NTAQ1: variants seen among roughly 807,000 people sequenced by gnomAD.
NTAQ1 encodes N-terminal glutamine amidase 1, also known as protein N-terminal glutamine amidohydrolase.
In NTAQ1, 21 loss-of-function variants were observed where a neutral mutation model predicts 28.2. That is an observed-to-expected ratio of 0.74 (90% CI 0.53 to 1.07). The LOEUF (loss-of-function observed/expected upper bound fraction) is 1.07, where lower values mean the gene tolerates loss of function less well. NTAQ1 is among the 50% of genes least tolerant of loss of function. The pLI is 0.00. For missense variants in NTAQ1, 264 were observed against 256.6 expected, an observed-to-expected ratio of 1.03 and a Z score of -0.20; for synonymous variants, 105 against 90.0, an observed-to-expected ratio of 1.17 and a Z score of -0.94.
rs560067976 is a variant in NTAQ1 at position 123,432,254 on chromosome 8, A to G, written c.234+2221A>G. ...GATAATTCTAATGTGTAGCCAGACTACATATTGCCAAAGTCCCTTCCCATG... is the reference window on the plus strand; with the variant it reads ...GATAATTCTAATGTGTAGCCAGACTGCATATTGCCAAAGTCCCTTCCCATG... On this transcript the variant is annotated intron_variant, in intron 3 of 5. Coordinates refer to ENST00000287387, the MANE Select transcript of NTAQ1 (RefSeq NM_018024.3). Among the ~76,000 whole-genome samples the G allele has an allele frequency of 2.6e-5, 4 of 152,334 alleles. No homozygotes were observed. In the South Asian group the frequency reaches 8.3e-4, roughly 32 times the overall value.
chr8:123,438,253 A>T (rs562278843), intron 5 of NTAQ1: 2 of 696,058 alleles, frequency 2.9e-6, no homozygotes, highest in African/African-American at 1.7e-5. Flanking sequence ...GTAATTCACA[A>T]CATTCCCACT....
intron 5 of NTAQ1, chr8:123,438,281 C>G: frequency 1.5e-6 from 1 of 678,514 alleles, no homozygotes; most frequent in Non-Finnish European, 2.7e-6. Flanking sequence ...GAGATCATCC[C>G]AACACCTGGA....
chr8:123,421,720 G>C (rs1813706043), intron 1 of NTAQ1, among the ~76,000 whole-genome samples: 1 of 144,110 alleles, frequency 6.9e-6, no homozygotes, highest in East Asian at 2.1e-4. Flanking sequence ...ACGGAGTCTT[G>C]CTCTGTTGCT....
At chr8:123,450,915 A>G (rs569136471), downstream of NTAQ1, among the ~76,000 whole-genome samples, 6 of 152,350 alleles carry the variant, frequency 3.9e-5, no homozygotes, top group African/African-American at 1.2e-4. Context: ...TTTTCAAACA[A>G]CAACAAACCA....
In NTAQ1 at chr8:123,428,019, A is replaced by T; in HGVS notation, c.179A>T (p.Lys60Met). The change falls in exon 2 of 6, where the codon AAG (lysine) becomes ATG (methionine). Residue 60 changes from lysine to methionine, a missense_variant. Transcript: ENST00000287387. Reference protein sequence around the residue: ...CYAVFISNERKMIPIWKQQAR... With the variant: ...CYAVFISNERMMIPIWKQQAR... ...GCTGTCTTCATATCTAATGAGAGGAAGATGGTAAGTTGGTGAGTGATTGCA... is the reference window on the plus strand; with the variant it reads ...GCTGTCTTCATATCTAATGAGAGGATGATGGTAAGTTGGTGAGTGATTGCA... The T allele has an allele frequency of 6.2e-7, 1 of 1,601,324 alleles. No homozygotes were observed. The highest frequency in any genetic ancestry group is 8.5e-7 in the Non-Finnish European group (1 of 1,175,278).
At chr8:123,450,633 C>T (rs76365665), downstream of NTAQ1, among the ~76,000 whole-genome samples, 3 of 152,188 alleles carry the variant, frequency 2.0e-5, no homozygotes, top group East Asian at 5.8e-4. Context: ...GTAGGACGCT[C>T]CCTTTGACTC....
downstream of NTAQ1, among the ~76,000 whole-genome samples, chr8:123,446,536 T>TGTGTTTGTACA (rs59187173): frequency 6.6e-6 from 1 of 151,900 alleles, no homozygotes; most frequent in East Asian, 1.9e-4. Context: ...CTCCTCCCTC[T>TGTGTTTGTACA]GGAGAGCTTT....
chr8:123,456,597 G>A (rs1815656557), intron 6 of NTAQ1, among the ~76,000 whole-genome samples: 1 of 152,182 alleles, frequency 6.6e-6, no homozygotes, highest in Admixed American at 6.5e-5. Flanking sequence ...AGTATCGAAG[G>A]CACCGTCAGG....
downstream of NTAQ1, among the ~76,000 whole-genome samples, chr8:123,474,248 A>G (rs1452502128): frequency 2.6e-5 from 4 of 152,180 alleles, no homozygotes; most frequent in African/African-American, 7.2e-5. Context: ...TTGATCTCCA[A>G]TTGAACTTAG....
At chr8:123,463,993 G>T (rs981269484) in intron 6 of NTAQ1, among the ~76,000 whole-genome samples, 1 of 152,108 alleles carries the variant, frequency 6.6e-6, no homozygotes, top group Non-Finnish European at 1.5e-5. Context: ...TTATAAAGGG[G>T]ACTCCCCCGC....
At chr8:123,455,387 G>T (rs1236405557) in intron 6 of NTAQ1, among the ~76,000 whole-genome samples, 1 of 149,194 alleles carries the variant, frequency 6.7e-6, no homozygotes, top group Non-Finnish European at 1.5e-5. Context: ...GCAACCACTT[G>T]TGTTACCAAT....
chr8:123,469,888 T>A (rs554907921), exon 7 of NTAQ1, among the ~76,000 whole-genome samples: 7 of 152,358 alleles, frequency 4.6e-5, no homozygotes, highest in Non-Finnish European at 8.8e-5. Flanking sequence ...CTGCCCTCCC[T>A]CTGCTAGAAG....
At chr8:123,451,190 A>T (rs940594438), downstream of NTAQ1, among the ~76,000 whole-genome samples, 1 of 152,088 alleles carries the variant, frequency 6.6e-6, no homozygotes, top group African/African-American at 2.4e-5. Flanking sequence ...ACTGCCTGAC[A>T]TTGAGGTCTG....
At chr8:123,421,861 TG>T (rs1813715494) in intron 1 of NTAQ1, among the ~76,000 whole-genome samples, 1 of 145,114 alleles carries the variant, frequency 6.9e-6, no homozygotes, top group Non-Finnish European at 1.6e-5. Flanking sequence ...GCTAATTTTT[TG>T]TATTTTTTTT....
Position 123,416,896 on chromosome 8 carries a change from C to A in NTAQ1, c.47C>A (p.Pro16His). The change falls in exon 1 of 6, where the codon CCC (proline) becomes CAC (histidine). Residue 16 changes from proline (P) to histidine (H), a missense_variant. Transcript: ENST00000287387. ...PAAVHYQPAS[P>H]PRDACVYSSC... ...GCTGTCCACTACCAGCCGGCCAGCC[C>A]CCCGCGGGACGCCTGCGTCTACAGC... 1.3e-6 allele frequency: 2 copies of A among 1,526,602 alleles called. No homozygotes were observed. Among genetic ancestry groups the A allele is most frequent in the South Asian group, 2.4e-5 (2 of 81,650 alleles). 94.6% of individuals were successfully genotyped at this position (1,526,602 alleles called of 1,614,324 possible).
Position 123,441,388 on chromosome 8 carries a change from A to G in NTAQ1, c.591A>G (p.Thr197=). Residue 197 remains threonine (T), a synonymous_variant, in exon 6 of 6, where the codon ACA becomes ACG. Coordinates refer to ENST00000287387, the MANE Select transcript of NTAQ1 (RefSeq NM_018024.3). Reference sequence around the variant, plus strand: ...CCGTCTACACACTATCCGAATTTACACATCGGTTTGGCAGTAAAAACTGCT... The same window carrying G: ...CCGTCTACACACTATCCGAATTTACGCATCGGTTTGGCAGTAAAAACTGCT... ...WGAVYTLSEF[T]HRFGSKNC is the part of the protein sequence containing the mutation. 1.2e-6 allele frequency: 2 copies of G among 1,610,356 alleles called. No homozygotes were observed. Among genetic ancestry groups the G allele is most frequent in the Non-Finnish European group, 1.7e-6 (2 of 1,178,062 alleles).
intron 6 of NTAQ1, among the ~76,000 whole-genome samples, chr8:123,465,605 A>G (rs1417489305): frequency 4.6e-5 from 5 of 109,122 alleles, no homozygotes; most frequent in African/African-American, 1.7e-4. Flanking sequence ...TTTTTGAGAC[A>G]GAGTCTTGCT....
chr8:123,462,919 G>A (rs192619835), intron 6 of NTAQ1, among the ~76,000 whole-genome samples: 3 of 152,298 alleles, frequency 2.0e-5, no homozygotes, highest in East Asian at 1.9e-4. Context: ...CTTTGATCAC[G>A]TTCTGTAAAA....
At chr8:123,439,345 GTTT>G (rs34111480) in intron 5 of NTAQ1, among the ~76,000 whole-genome samples, 1 of 139,410 alleles carries the variant, frequency 7.2e-6, no homozygotes, top group Non-Finnish European at 1.5e-5. Flanking sequence ...CACCTGGCTA[GTTT>G]TTTTTTTTTT....
Sources: gnomAD v4.1 joint callset for allele counts (sites outside exome capture counted in the v4.1 genomes callset) on GRCh38, gnomAD v4.1.1 for gene constraint, MANE v1.5 for transcripts, NCBI Gene and HGNC (gene_info 2026-07-23, HGNC 2026-07-21) for gene names.